Variants in ZFPM2 observed in about 807,000 individuals in gnomAD.
ZFPM2 encodes the protein zinc finger protein, FOG family member 2.
Under a neutral mutation model 98.6 loss-of-function variants are expected in ZFPM2, and 20 were observed. The observed-to-expected ratio is 0.20, with a 90% CI of 0.14 to 0.29. The LOEUF is 0.29. Among genes scored for constraint, ZFPM2 ranks in the 10% least tolerant of loss-of-function variants. ZFPM2 has a pLI of 1.00. For missense variants in ZFPM2, 1,310 were observed against 1,388.6 expected (o/e 0.94, Z 0.90); for synonymous variants, 518 against 502.7 (o/e 1.03, Z -0.41).
At chr8:105,581,169 T>C (rs1815588667) in intron 4 of ZFPM2, among the ~76,000 whole-genome samples, 2 of 152,148 alleles carry the variant, frequency 1.3e-5, no homozygotes, top group African/African-American at 4.8e-5. Context: ...TGCCATTTTA[T>C]CTATGTAATT....
At chr8:105,527,972 G>C (rs1814212143) in intron 3 of ZFPM2, among the ~76,000 whole-genome samples, 1 of 152,094 alleles carries the variant, frequency 6.6e-6, no homozygotes. Flanking sequence ...GGTATGCCAG[G>C]TTTTTAAATT....
chr8:105,331,458 G>A (rs1328648825), intron 1 of ZFPM2, among the ~76,000 whole-genome samples: 2 of 151,672 alleles, frequency 1.3e-5, no homozygotes, highest in African/African-American at 4.8e-5. Flanking sequence ...ATGTTACTAA[G>A]GTACGTGTTA....
chr8:105,563,838 G>C (rs978820174), intron 4 of ZFPM2, among the ~76,000 whole-genome samples: 7 of 151,974 alleles, frequency 4.6e-5, no homozygotes, highest in African/African-American at 1.7e-4. Flanking sequence ...TTAATCATTT[G>C]TATATTTCTT....
intron 1 of ZFPM2, among the ~76,000 whole-genome samples, chr8:105,323,680 GACCAA>G: frequency 6.6e-6 from 1 of 151,964 alleles, no homozygotes; most frequent in African/African-American, 2.4e-5. Context: ...ATCTTAAGAT[GACCAA>G]TATAGTCATT....
At chr8:105,568,276 T>G (rs1443924326) in intron 4 of ZFPM2, among the ~76,000 whole-genome samples, 1 of 152,078 alleles carries the variant, frequency 6.6e-6, no homozygotes, top group Non-Finnish European at 1.5e-5. Flanking sequence ...TATTCCTGTC[T>G]CCACAGACAG....
intron 1 of ZFPM2, among the ~76,000 whole-genome samples, chr8:105,382,810 A>G (rs895395985): frequency 4.6e-5 from 7 of 152,148 alleles, no homozygotes; most frequent in African/African-American, 1.7e-4. Flanking sequence ...ATTTAGAAAT[A>G]ATTATGGGAC....
chr8:105,400,740 C>T (rs1359404419), intron 1 of ZFPM2, among the ~76,000 whole-genome samples: 4 of 151,950 alleles, frequency 2.6e-5, no homozygotes, highest in African/African-American at 9.7e-5. Flanking sequence ...TAGAGGTGCA[C>T]TCTAATAGGG....
At chr8:105,645,686 G>A (rs1817028450) in intron 5 of ZFPM2, among the ~76,000 whole-genome samples, 1 of 152,156 alleles carries the variant, frequency 6.6e-6, no homozygotes, top group South Asian at 2.1e-4. Context: ...TACTTTGAGG[G>A]TGGGAAGAAT....
chr8:105,569,645 A>G (rs1815314239), intron 4 of ZFPM2, among the ~76,000 whole-genome samples: 1 of 152,220 alleles, frequency 6.6e-6, no homozygotes. Context: ...CCTTGGATGC[A>G]GCTAGGAGGA....
At chr8:105,405,587 T>C (rs571112146) in intron 1 of ZFPM2, among the ~76,000 whole-genome samples, 137 of 152,138 alleles carry the variant, frequency 9.0e-4, no homozygotes, top group African/African-American at 3.2e-3. Flanking sequence ...GCTTCATCCA[T>C]GTCCCTACAA....
At chr8:105,471,846 A>T (rs1195699368) in intron 3 of ZFPM2, among the ~76,000 whole-genome samples, 1 of 152,120 alleles carries the variant, frequency 6.6e-6, no homozygotes, top group Non-Finnish European at 1.5e-5. Context: ...CTCTTATCAG[A>T]TAAGGAGACC....
intron 5 of ZFPM2, among the ~76,000 whole-genome samples, chr8:105,692,007 A>G (rs1810897001): frequency 6.6e-6 from 1 of 152,242 alleles, no homozygotes; most frequent in African/African-American, 2.4e-5. Flanking sequence ...ATCTTCTTTG[A>G]TCTGAAAACA....
At chr8:105,496,662 T>C (rs2130452773) in intron 3 of ZFPM2, among the ~76,000 whole-genome samples, 1 of 138,876 alleles carries the variant, frequency 7.2e-6, no homozygotes, top group Non-Finnish European at 1.5e-5. Context: ...ACTCTTTTTT[T>C]TGTTTTTTTG....
At chr8:105,738,190 G>A (rs1045759137) in intron 5 of ZFPM2, among the ~76,000 whole-genome samples, 1 of 151,874 alleles carries the variant, frequency 6.6e-6, no homozygotes, top group African/African-American at 2.4e-5. Context: ...TCCTCTGATA[G>A]ACCTAAGTGT....
chr8:105,437,871 C>T (rs11785271), intron 2 of ZFPM2, among the ~76,000 whole-genome samples: 13,277 of 151,854 alleles, frequency 0.087, 718 homozygotes, highest in South Asian at 0.15. Flanking sequence ...AGTGAAACCC[C>T]GTCTCTACTA....
intron 3 of ZFPM2, among the ~76,000 whole-genome samples, chr8:105,469,098 G>A (rs1812848885): frequency 6.6e-6 from 1 of 152,078 alleles, no homozygotes; most frequent in Admixed American, 6.6e-5. Flanking sequence ...AAACATTGTA[G>A]CTTAGAGGTA....
intron 1 of ZFPM2, among the ~76,000 whole-genome samples, chr8:105,405,869 T>C (rs1009334061): frequency 2.0e-5 from 3 of 152,180 alleles, no homozygotes; most frequent in African/African-American, 7.2e-5. Flanking sequence ...ACTTCCACAA[T>C]GGTTGAACTA....
At chr8:105,679,734 C>A (rs183500925) in intron 5 of ZFPM2, among the ~76,000 whole-genome samples, 1 of 149,726 alleles carries the variant, frequency 6.7e-6, no homozygotes, top group African/African-American at 2.5e-5. Flanking sequence ...AAAGTCGAGG[C>A]TACAGTGAGC....
intron 3 of ZFPM2, among the ~76,000 whole-genome samples, chr8:105,452,851 T>A (rs1204341400): frequency 6.6e-6 from 1 of 152,172 alleles, no homozygotes; most frequent in African/African-American, 2.4e-5. Flanking sequence ...TGGCATTGAT[T>A]TCCTTGTACC....
Sources: allele counts gnomAD v4.1 joint callset (sites outside exome capture counted in the v4.1 genomes callset), GRCh38; gene constraint gnomAD v4.1.1; transcripts MANE v1.5; gene names NCBI Gene and HGNC (gene_info 2026-07-23, HGNC 2026-07-21).